TKTL1: variants seen among roughly 807,000 people sequenced by gnomAD.
TKTL1 encodes transketolase like 1, also known as transketolase-like protein 1.
A neutral mutation model predicts 39.3 loss-of-function variants in TKTL1; 1 was observed. The observed-to-expected ratio is 0.03, with a 90% CI of 0.01 to 0.12. The LOEUF (loss-of-function observed/expected upper bound fraction) is 0.12. Among genes scored for constraint, TKTL1 ranks in the 10% least tolerant of loss-of-function variants. The pLI is 1.00. For synonymous variants in TKTL1, 262 were observed against 193.8 expected (o/e 1.35, Z -2.92); for missense variants, 575 against 509.6 (o/e 1.13, Z -1.24).
rs782217403 is a variant in TKTL1 at position 154,315,417 on chromosome X, C to A, written c.1029+80C>A. 1.5e-4 allele frequency: 149 copies of A among 1,014,969 alleles called. 1 individual carries two copies. In the East Asian group the frequency reaches 4.7e-3, roughly 32 times the overall value. 83.6% of individuals were successfully genotyped at this position (1,014,969 alleles called of 1,213,427 possible). A position where few individuals can be genotyped will look rare whatever the true frequency, so the allele number is the denominator to read the frequency against. The stretch of plus-strand genomic sequence containing the variant: ...GGAGGCCCAGCCTGTGCTAGTTTTT[C>A]TTTCCATTTATGAAAGCAAAAGGAC... On this transcript the variant is annotated intron_variant, in intron 7 of 12. Transcript: ENST00000369915.
chrX:154,323,238 G>A lies in TKTL1; in HGVS notation c.1218G>A (p.Glu406=). ...ATGGTGCTTCCCAGATGGCCCTGGA[G>A]GATATAGCCATGTTCCGAACCATTC... ...GDDGASQMAL[E]DIAMFRTIPK... is the part of the protein sequence containing the mutation. The change falls in exon 9 of 13, where the codon GAG becomes GAA. Residue 406 remains glutamate (E), a synonymous_variant. Coordinates refer to ENST00000369915, the MANE Select transcript of TKTL1 (RefSeq NM_012253.4). 1 of 1,211,422 alleles carries A rather than the reference G, an allele frequency of 8.3e-7. No homozygotes were observed.
chrX:154,312,583 T>G lies in TKTL1; in HGVS notation c.674T>G (p.Ile225Ser), dbSNP rs1557168570. ...TCTTTTGTTTGTTTCATTACAGGTA[T>G]TGAGGATGCAGAAAGTTGGCATGCA... Reference protein sequence around the residue: ...KTFKGRGTPSIEDAESWHAKP... With the variant: ...KTFKGRGTPSSEDAESWHAKP... The change falls in exon 6 of 13, where the codon ATT becomes AGT. Residue 225 changes from isoleucine (I) to serine (S), a missense_variant. Ile to Ser is a moderately radical substitution (Grantham distance 142, BLOSUM62 -2). Coordinates refer to ENST00000369915, the MANE Select transcript of TKTL1 (RefSeq NM_012253.4). 6 of 1,205,994 alleles carry G rather than the reference T, an allele frequency of 5.0e-6. No individual in the cohort carries two copies. The African/African-American group carries it at 7.0e-5, about 14-fold the overall frequency.
At chrX:154,312,439 C>T (rs1020950181) in intron 5 of TKTL1, 141 bp from the exon 6 acceptor site, 10 of 545,992 alleles carry the variant, frequency 1.8e-5, no homozygotes, top group African/African-American at 1.4e-4. Context: ...GCTGCAGCAG[C>T]GTCCCAGGCC....
chrX:154,323,936 C>T (rs2067472911), intron 9 of TKTL1, among the ~76,000 whole-genome samples: 2 of 112,639 alleles, frequency 1.8e-5, no homozygotes, highest in African/African-American at 6.4e-5. Flanking sequence ...TTGATCTTTC[C>T]AGCCTTTCCC....
intron 10 of TKTL1, among the ~76,000 whole-genome samples, chrX:154,326,366 C>T (rs1458135753): frequency 1.8e-5 from 2 of 112,372 alleles, no homozygotes; most frequent in African/African-American, 3.2e-5. Context: ...GGCTTGTAGA[C>T]ATTTTGGCAT....
chrX:154,329,026 C>T (rs1015462821), intron 12 of TKTL1, among the ~76,000 whole-genome samples: 11 of 112,515 alleles, frequency 9.8e-5, no homozygotes, highest in Non-Finnish European at 1.9e-5. Context: ...GGGGCAGGTC[C>T]TGTTGGCACC....
chrX:154,311,055 C>T, intron 4 of TKTL1, 28 bp downstream of exon 4: 1 of 1,210,878 alleles, frequency 8.3e-7, no homozygotes, highest in Non-Finnish European at 1.1e-6. Flanking sequence ...TGCTTGATTT[C>T]CATTCTGTCC....
At chrX:154,314,675 C>T (rs1030112627) in intron 6 of TKTL1, among the ~76,000 whole-genome samples, 3 of 110,991 alleles carry the variant, frequency 2.7e-5, no homozygotes, top group African/African-American at 6.6e-5. Context: ...CAGGCTCCCG[C>T]CATCATGCCC....
In TKTL1 at chrX:154,295,812, C is replaced by G. The variant is rs370233902; in HGVS notation, c.-48C>G. ...TCGCAGGCGCCATTCGCTCTTCAGA[C>G]GCCGGAGACGTAGGAGTGGGTCTTC... On this transcript the variant is annotated 5_prime_UTR_variant, in exon 1 of 13. Transcript: ENST00000369915. 8.4e-7 allele frequency: 1 copy of G among 1,190,331 alleles called. No homozygotes were observed. Among genetic ancestry groups the G allele is most frequent in the Non-Finnish European group, 1.1e-6 (1 of 883,179 alleles).
chrX:154,319,138 A>G (rs2067428974), intron 7 of TKTL1, among the ~76,000 whole-genome samples: 1 of 112,000 alleles, frequency 8.9e-6, no homozygotes, highest in Non-Finnish European at 1.9e-5. Flanking sequence ...CCTTACTTAC[A>G]TGAATAAGTA....
At chrX:154,321,423 C>A (rs1291981738) in intron 8 of TKTL1, among the ~76,000 whole-genome samples, 1 of 96,904 alleles carries the variant, frequency 1.0e-5, no homozygotes, top group Non-Finnish European at 2.0e-5. Flanking sequence ...AGTCACCTGG[C>A]AGGTGGGCTA....
intron 1 of TKTL1, among the ~76,000 whole-genome samples, chrX:154,304,496 C>T (rs188240136): frequency 9.1e-6 from 1 of 109,477 alleles, no homozygotes; most frequent in African/African-American, 3.3e-5. Context: ...CTTGGGAGGC[C>T]GAGGCGGGAG....
intron 2 of TKTL1, 112 bp downstream of exon 2, chrX:154,305,533 C>A (rs2067308599): frequency 1.4e-5 from 13 of 962,395 alleles, no homozygotes. Context: ...TATTTTGGTT[C>A]TTCTTTCTTT....
chrX:154,328,926 C>G (rs1411867076), intron 12 of TKTL1, among the ~76,000 whole-genome samples: 1 of 112,441 alleles, frequency 8.9e-6, no homozygotes, highest in Non-Finnish European at 1.9e-5. Flanking sequence ...CTTGGCCCCA[C>G]AAGGGGCATA....
chrX:154,302,472 G>GAGC (rs2148800257), intron 1 of TKTL1, among the ~76,000 whole-genome samples: 1 of 110,985 alleles, frequency 9.0e-6, no homozygotes, highest in South Asian at 3.8e-4. Context: ...CTGGGCTCAA[G>GAGC]AGCACTACCT....
Position 154,295,797 on chromosome X carries a change from C to A in TKTL1, c.-63C>A. 8.5e-7 allele frequency: 1 copy of A among 1,177,260 alleles called. No individual in the cohort carries two copies. Among genetic ancestry groups the A allele is most frequent in the Non-Finnish European group, 1.1e-6 (1 of 873,808 alleles). ...AACGCACTGGGCAGCTCGCAGGCGC[C>A]ATTCGCTCTTCAGACGCCGGAGACG... is the stretch of plus-strand genomic sequence containing the variant. On this transcript the variant is annotated 5_prime_UTR_variant, in exon 1 of 13. Coordinates refer to ENST00000369915, the MANE Select transcript of TKTL1 (RefSeq NM_012253.4).
chrX:154,307,245 T>A (rs185020977), intron 2 of TKTL1, among the ~76,000 whole-genome samples: 1 of 111,364 alleles, frequency 9.0e-6, no homozygotes, highest in East Asian at 2.8e-4. Flanking sequence ...TAGACTGTCA[T>A]ATAACAGCTG....
chrX:154,304,884 C>T (rs782538433), intron 1 of TKTL1: 55 of 594,712 alleles, frequency 9.2e-5, no homozygotes, highest in Non-Finnish European at 1.3e-4. Context: ...TCTACCATGA[C>T]AAATTTCTCA....
intron 9 of TKTL1, among the ~76,000 whole-genome samples, chrX:154,325,018 C>T: frequency 8.9e-6 from 1 of 111,985 alleles, no homozygotes; most frequent in Non-Finnish European, 1.9e-5. Context: ...TTTTAACATT[C>T]TATTCGGGCT....
Sources: allele counts gnomAD v4.1 joint callset (sites outside exome capture counted in the v4.1 genomes callset), GRCh38; gene constraint gnomAD v4.1.1; transcripts MANE v1.5; gene names NCBI Gene and HGNC (gene_info 2026-07-23, HGNC 2026-07-21).